The following PTPRN2 variants were observed in gnomAD, a reference collection of about 807,000 sequenced individuals.
PTPRN2 encodes receptor-type tyrosine-protein phosphatase N2.
Under a neutral mutation model 118.8 loss-of-function variants are expected in PTPRN2, and 74 were observed. The observed-to-expected ratio is 0.62, with a 90% CI of 0.52 to 0.76. The LOEUF (loss-of-function observed/expected upper bound fraction) is 0.76. Among genes scored for constraint, PTPRN2 ranks in the 30% least tolerant of loss-of-function variants. The pLI is 0.00. For missense variants in PTPRN2, 1,481 were observed against 1,394.4 expected (o/e 1.06, Z -0.99); for synonymous variants, 641 against 608.0 (o/e 1.05, Z -0.80).
intron 2 of PTPRN2, among the ~76,000 whole-genome samples, chr7:158,327,695 C>T (rs1193039823): frequency 6.6e-6 from 1 of 152,216 alleles, no homozygotes; most frequent in Non-Finnish European, 1.5e-5. Context: ...TCATTCTTTC[C>T]TGCCTCCCCT....
At chr7:158,138,990 ACACCCT>A (rs1819113765) in intron 6 of PTPRN2, among the ~76,000 whole-genome samples, 1 of 152,028 alleles carries the variant, frequency 6.6e-6, no homozygotes, top group African/African-American at 2.4e-5. Context: ...CCTGCCCAGC[ACACCCT>A]GCCCAGCATG....
chr7:158,010,387 T>C (rs1805956598), intron 11 of PTPRN2, among the ~76,000 whole-genome samples: 1 of 152,204 alleles, frequency 6.6e-6, no homozygotes, highest in Non-Finnish European at 1.5e-5. Flanking sequence ...GTTAACAGCA[T>C]TGGGTGGTTC....
Position 158,188,740 on chromosome 7 carries a change from C to T in PTPRN2, c.549+3587G>A, listed in dbSNP as rs80185895. Among the ~76,000 whole-genome samples, 63 of 150,008 alleles carry T rather than the reference C, an allele frequency of 4.2e-4. No individual in the cohort carries two copies. The East Asian group carries it at 6.7e-3, about 16-fold the overall frequency. ...GGGGGAAGGCCGCCACGCTCGCCGC[C>T]TTGTATGGGGAAGGCCGCCACGCTC... On this transcript the variant is annotated intron_variant, in intron 5 of 22. Transcript: ENST00000389418.
At chr7:157,769,010 C>A (rs367921528) in intron 12 of PTPRN2, among the ~76,000 whole-genome samples, 3 of 152,158 alleles carry the variant, frequency 2.0e-5, no homozygotes, top group African/African-American at 7.2e-5. Flanking sequence ...TCAGGTTGCA[C>A]GTGCCAGTCA....
At chr7:158,320,909 G>GA (rs959563843) in intron 2 of PTPRN2, among the ~76,000 whole-genome samples, 2 of 152,128 alleles carry the variant, frequency 1.3e-5, no homozygotes, top group African/African-American at 4.8e-5. Flanking sequence ...CAGTGAAATA[G>GA]AAAATTAAGG....
chr7:158,439,632 C>G (rs775823231), intron 2 of PTPRN2, among the ~76,000 whole-genome samples: 59 of 152,208 alleles, frequency 3.9e-4, no homozygotes, highest in Admixed American at 1.8e-3. Context: ...TCATGACCAT[C>G]TCTAATTCTT....
chr7:158,023,114 T>C (rs1807020601), intron 11 of PTPRN2, among the ~76,000 whole-genome samples: 2 of 152,208 alleles, frequency 1.3e-5, no homozygotes, highest in African/African-American at 4.8e-5. Flanking sequence ...TTTAAACTCA[T>C]TCATCTTGGA....
intron 3 of PTPRN2, among the ~76,000 whole-genome samples, chr7:158,311,445 G>A (rs1445059027): frequency 6.6e-6 from 1 of 152,092 alleles, no homozygotes; most frequent in Non-Finnish European, 1.5e-5. Flanking sequence ...TGGCTTGTCA[G>A]AAAAAGTGAA....
chr7:157,797,476 C>T (rs1220654041), intron 12 of PTPRN2, among the ~76,000 whole-genome samples: 2 of 138,222 alleles, frequency 1.4e-5, no homozygotes, highest in Admixed American at 6.8e-5. Flanking sequence ...GGGCTGAGGT[C>T]GTGGGAGGCA....
At chr7:158,578,544 A>AG (rs1277138551) in intron 1 of PTPRN2, among the ~76,000 whole-genome samples, 1 of 151,598 alleles carries the variant, frequency 6.6e-6, no homozygotes, top group Non-Finnish European at 1.5e-5. Flanking sequence ...CTGTAAAAAA[A>AG]AAAAAAATCA....
chr7:158,506,235 G>A (rs1031012485), intron 1 of PTPRN2, among the ~76,000 whole-genome samples: 2 of 152,242 alleles, frequency 1.3e-5, no homozygotes, highest in African/African-American at 4.8e-5. Context: ...ACACAGGAAA[G>A]TGAGACACAC....
chr7:158,503,985 CA>C (rs58070541), intron 1 of PTPRN2, among the ~76,000 whole-genome samples: 1,847 of 118,064 alleles, frequency 0.016, 36 homozygotes, highest in African/African-American at 0.049. Flanking sequence ...GAGACTGTCT[CA>C]AAAAAAAAAA....
At position 157,685,261 on chromosome 7, in the gene PTPRN2, G is replaced by C. The variant is rs191567344; in HGVS notation, c.1789-2324C>G. Among the ~76,000 whole-genome samples the C allele has an allele frequency of 8.6e-3, 1,302 of 151,924 alleles. 24 individuals carry two copies. Among genetic ancestry groups the C allele is most frequent in the African/African-American group, 0.029 (1,213 of 41,504 alleles). Reference sequence around the variant, plus strand: ...CCAGCGCGGAGGCGACCCCGGCCCCGCTGCCCCGGCGTCGGGAGGACACCG... The same window carrying C: ...CCAGCGCGGAGGCGACCCCGGCCCCCCTGCCCCGGCGTCGGGAGGACACCG... On this transcript the variant is annotated intron_variant, in intron 12 of 22. Coordinates refer to ENST00000389418, the MANE Select transcript of PTPRN2 (RefSeq NM_002847.5).
chr7:157,630,812 T>C (rs1189480563), intron 14 of PTPRN2, among the ~76,000 whole-genome samples: 2 of 152,206 alleles, frequency 1.3e-5, no homozygotes, highest in Non-Finnish European at 2.9e-5. Context: ...AGACCATTCA[T>C]GGGGTCTTCT....
chr7:157,702,444 C>A (rs546185068), intron 12 of PTPRN2, among the ~76,000 whole-genome samples: 9 of 152,302 alleles, frequency 5.9e-5, no homozygotes, highest in African/African-American at 2.2e-4. Flanking sequence ...ATGGGTGTCT[C>A]CCCTCAGAGA....
intron 11 of PTPRN2, among the ~76,000 whole-genome samples, chr7:158,067,589 G>T (rs144852527): frequency 1.3e-5 from 2 of 152,310 alleles, no homozygotes; most frequent in East Asian, 3.9e-4. Context: ...TTGAGAAAAG[G>T]TTTCTGTAAC....
intron 12 of PTPRN2, among the ~76,000 whole-genome samples, chr7:157,718,883 G>C (rs568735472): frequency 1.3e-4 from 20 of 152,284 alleles, no homozygotes. Context: ...AACCCACCTT[G>C]TCGCTGTGGC....
chr7:158,340,643 G>A (rs1442071532), intron 2 of PTPRN2, among the ~76,000 whole-genome samples: 2 of 104,952 alleles, frequency 1.9e-5, no homozygotes, highest in South Asian at 3.5e-4. Context: ...CTAGCCATAA[G>A]AGCTGACGCC....
chr7:158,312,277 GAC>G (rs10628254), intron 3 of PTPRN2, among the ~76,000 whole-genome samples: 1 of 103,452 alleles, frequency 9.7e-6, no homozygotes, highest in Admixed American at 8.2e-5. Context: ...CTCACATGTA[GAC>G]ACGCACACAT....
Sources: gnomAD v4.1 joint callset for allele counts (sites outside exome capture counted in the v4.1 genomes callset) on GRCh38, gnomAD v4.1.1 for gene constraint, MANE v1.5 for transcripts, NCBI Gene and HGNC (gene_info 2026-07-23, HGNC 2026-07-21) for gene names.